Variants in BTG4 observed in about 807,000 individuals in gnomAD.
BTG4 encodes the protein BTG anti-proliferation factor 4.
In BTG4, 10 loss-of-function variants were observed where a neutral mutation model predicts 19.3. That is an observed-to-expected ratio of 0.52 (90% CI 0.32 to 0.88). BTG4 has a LOEUF of 0.88. Among genes scored for constraint, BTG4 ranks in the 40% least tolerant of loss-of-function variants. BTG4 has a pLI of 0.04. For synonymous variants in BTG4, 91 were observed against 95.7 expected, an observed-to-expected ratio of 0.95 and a Z score of 0.29; for missense variants, 238 against 281.9, an observed-to-expected ratio of 0.84 and a Z score of 1.11.
chr11:111,422,140 T>A, the BTG4 span, among the ~76,000 whole-genome samples: 1 of 152,186 alleles, frequency 6.6e-6, no homozygotes, highest in Non-Finnish European at 1.5e-5. Context: ...TCTGTTTTTT[T>A]ATCCCAAAAC....
the BTG4 span, among the ~76,000 whole-genome samples, chr11:111,384,273 C>A: frequency 1.3e-5 from 2 of 151,268 alleles, no homozygotes; most frequent in African/African-American, 4.9e-5. Flanking sequence ...AGTGGTTATT[C>A]TTGCCCTGTC....
At chr11:111,418,664 G>A in the BTG4 span, among the ~76,000 whole-genome samples, 3 of 152,230 alleles carry the variant, frequency 2.0e-5, no homozygotes, top group South Asian at 4.1e-4. Flanking sequence ...AGCTACTTAG[G>A]CTAACCACCA....
the BTG4 span, among the ~76,000 whole-genome samples, chr11:111,423,697 A>G: frequency 6.6e-6 from 1 of 152,254 alleles, no homozygotes; most frequent in African/African-American, 2.4e-5. Context: ...CATTCATTTA[A>G]TACACAAAAA....
chr11:111,451,536 A>C, the BTG4 span: 4 of 354,136 alleles, frequency 1.1e-5, no homozygotes, highest in South Asian at 8.3e-5. Context: ...GAGGCCAAGG[A>C]GGGCAGATCA....
chr11:111,502,725 C>T (rs1223493935), intron 1 of BTG4, among the ~76,000 whole-genome samples: 1 of 152,152 alleles, frequency 6.6e-6, no homozygotes, highest in African/African-American at 2.4e-5. Flanking sequence ...ATTACTTCAT[C>T]TTCCTGATGA....
At chr11:111,419,373 T>A in the BTG4 span, among the ~76,000 whole-genome samples, 1 of 152,254 alleles carries the variant, frequency 6.6e-6, no homozygotes, top group Non-Finnish European at 1.5e-5. Flanking sequence ...CAAAGCTTCA[T>A]CCAGCACTGG....
downstream of BTG4, among the ~76,000 whole-genome samples, chr11:111,493,264 T>C (rs1865525331): frequency 6.6e-6 from 1 of 152,220 alleles, no homozygotes. Context: ...AATAATTTCC[T>C]GATTGAAACA....
chr11:111,502,404 T>G (rs2077535259), intron 1 of BTG4, among the ~76,000 whole-genome samples: 2 of 152,220 alleles, frequency 1.3e-5, no homozygotes, highest in Admixed American at 1.3e-4. Flanking sequence ...GAAGAAGATT[T>G]TAAGCTTATT....
At chr11:111,484,688 G>C (rs904925433) in intron 5 of BTG4, among the ~76,000 whole-genome samples, 4 of 151,928 alleles carry the variant, frequency 2.6e-5, no homozygotes, top group African/African-American at 9.7e-5. Context: ...ACTGTCAGAG[G>C]GAATCACTTT....
chr11:111,480,079 A>G (rs1314642127), intron 5 of BTG4, among the ~76,000 whole-genome samples: 1 of 152,128 alleles, frequency 6.6e-6, no homozygotes, highest in African/African-American at 2.4e-5. Flanking sequence ...ATAAGACACA[A>G]TATGCCATCT....
rs1026780234 is a variant in BTG4, at chr11:111,503,378, C to T, written c.-26-4576G>A. Among the ~76,000 whole-genome samples the T allele has an allele frequency of 8.5e-5, 13 of 152,326 alleles. No individual in the cohort carries two copies. The East Asian group carries it at 2.3e-3, about 27-fold the overall frequency. On this transcript the variant is annotated intron_variant, in intron 1 of 4. Coordinates refer to ENST00000692032, the MANE Select transcript of BTG4 (RefSeq NM_001367975.1). ...TGTCAGAATTTAGCAGAAAGACCAACCTGGTCTGGCCTAAGCCAATCCCAG... is the reference window on the plus strand; with the variant it reads ...TGTCAGAATTTAGCAGAAAGACCAATCTGGTCTGGCCTAAGCCAATCCCAG...
At chr11:111,441,090 C>T in the BTG4 span, among the ~76,000 whole-genome samples, 36 of 150,914 alleles carry the variant, frequency 2.4e-4, no homozygotes, top group African/African-American at 7.5e-4. Context: ...GTCACACAGG[C>T]CAGGGCCAGA....
upstream of BTG4, chr11:111,512,882 C>A: frequency 4.7e-6 from 2 of 423,352 alleles, no homozygotes; most frequent in Non-Finnish European, 9.6e-6. Flanking sequence ...CCGAGGCGGG[C>A]CCCGACCCCG....
In BTG4 at chr11:111,489,791, A is replaced by C. The variant is rs1177901797; in HGVS notation, c.662+5372T>G. On this transcript the variant is annotated intron_variant, in intron 5 of 5. Coordinates refer to the BTG4 transcript ENST00000356018. ...GTTCTCATTCACACTTGGGAGTGAA[A>C]AAAAAAAATTGAACCCATGGAAATA... Among the ~76,000 whole-genome samples, 8 of 152,110 alleles carry C rather than the reference A, an allele frequency of 5.3e-5. No homozygotes were observed. In the East Asian group the frequency reaches 1.5e-3, roughly 29 times the overall value.
chr11:111,406,160 A>G, the BTG4 span, among the ~76,000 whole-genome samples: 2 of 152,188 alleles, frequency 1.3e-5, no homozygotes, highest in Non-Finnish European at 2.9e-5. Context: ...TTCAATACAC[A>G]CTAATGTTCT....
the BTG4 span, among the ~76,000 whole-genome samples, chr11:111,426,260 G>A: frequency 2.6e-5 from 4 of 151,828 alleles, no homozygotes; most frequent in Admixed American, 6.6e-5. Context: ...AGTGACAGAG[G>A]AAGGGAAGGG....
At chr11:111,472,495 T>C (rs1424828765) in intron 5 of BTG4, among the ~76,000 whole-genome samples, 1 of 152,180 alleles carries the variant, frequency 6.6e-6, no homozygotes, top group African/African-American at 2.4e-5. Flanking sequence ...CTAAACAGCC[T>C]ACAGTGCATG....
At chr11:111,489,543 C>A (rs1010965757) in intron 5 of BTG4, among the ~76,000 whole-genome samples, 19 of 152,022 alleles carry the variant, frequency 1.2e-4, no homozygotes, top group Admixed American at 9.8e-4. Context: ...AAGTATCCAT[C>A]AACAGATGAA....
the BTG4 span, chr11:111,384,891 T>A: frequency 6.6e-6 from 1 of 152,252 alleles, no homozygotes; most frequent in Non-Finnish European, 1.5e-5. Flanking sequence ...TTCCAAAATG[T>A]GGCCCTTAAG....
Sources: gnomAD v4.1 joint callset for allele counts (sites outside exome capture counted in the v4.1 genomes callset) on GRCh38, gnomAD v4.1.1 for gene constraint, MANE v1.5 for transcripts, NCBI Gene and HGNC (gene_info 2026-07-23, HGNC 2026-07-21) for gene names.